Variants in AKAP12 observed in about 807,000 individuals in gnomAD.
AKAP12 encodes A-kinase anchor protein 12.
A neutral mutation model predicts 79.9 loss-of-function variants in AKAP12; 32 were observed. The observed-to-expected ratio is 0.40, with a 90% CI of 0.30 to 0.54. The LOEUF (loss-of-function observed/expected upper bound fraction) is 0.54, where lower values mean the gene tolerates loss of function less well. Among genes scored for constraint, AKAP12 ranks in the 20% least tolerant of loss-of-function variants. The pLI is 0.48. For synonymous variants in AKAP12, 808 were observed against 857.0 expected, an observed-to-expected ratio of 0.94 and a Z score of 1.00; for missense variants, 2,074 against 2,177.0, an observed-to-expected ratio of 0.95 and a Z score of 0.94.
chr6:151,311,217 C>T (rs879578794), intron 3 of AKAP12, among the ~76,000 whole-genome samples: 7 of 152,214 alleles, frequency 4.6e-5, no homozygotes, highest in Non-Finnish European at 8.8e-5. Flanking sequence ...CTTCCTTCCA[C>T]GTCAGCCTCC....
At chr6:151,310,192 G>T (rs982271802) in intron 3 of AKAP12, among the ~76,000 whole-genome samples, 1 of 151,840 alleles carries the variant, frequency 6.6e-6, no homozygotes, top group Non-Finnish European at 1.5e-5. Context: ...GTGAAACCCC[G>T]TCTCTACTAA....
At chr6:151,248,040 T>G (rs1797109477) in intron 2 of AKAP12, among the ~76,000 whole-genome samples, 1 of 151,996 alleles carries the variant, frequency 6.6e-6, no homozygotes, top group Non-Finnish European at 1.5e-5. Context: ...CAAAACGAAA[T>G]AAACCAAAAT....
intron 2 of AKAP12, among the ~76,000 whole-genome samples, chr6:151,295,613 A>G (rs1274788044): frequency 2.0e-5 from 3 of 152,242 alleles, no homozygotes; most frequent in African/African-American, 7.2e-5. Context: ...CATTCTGGAA[A>G]TTAGCATTTT....
intron 3 of AKAP12, among the ~76,000 whole-genome samples, chr6:151,338,261 T>C (rs1290353962): frequency 6.6e-6 from 1 of 152,206 alleles, no homozygotes; most frequent in Non-Finnish European, 1.5e-5. Flanking sequence ...AGCATTCCTC[T>C]TTGCATTACA....
At chr6:151,335,062 A>G (rs1777777771) in intron 3 of AKAP12, among the ~76,000 whole-genome samples, 2 of 152,132 alleles carry the variant, frequency 1.3e-5, no homozygotes, top group East Asian at 1.9e-4. Context: ...ATGATTTTAT[A>G]CTCGGGAATG....
At chr6:151,299,626 C>A (rs1776810857) in intron 2 of AKAP12, among the ~76,000 whole-genome samples, 1 of 152,134 alleles carries the variant, frequency 6.6e-6, no homozygotes, top group South Asian at 2.1e-4. Context: ...CAACTTGCTT[C>A]TTTTCCCCCT....
At chr6:151,322,742 C>T (rs1172310996) in intron 3 of AKAP12, among the ~76,000 whole-genome samples, 1 of 147,580 alleles carries the variant, frequency 6.8e-6, no homozygotes, top group African/African-American at 2.7e-5. Context: ...GTGTCCACCA[C>T]CCACTCCTGC....
intron 3 of AKAP12, among the ~76,000 whole-genome samples, chr6:151,326,664 T>C (rs985311017): frequency 5.3e-5 from 8 of 152,192 alleles, no homozygotes; most frequent in African/African-American, 1.9e-4. Flanking sequence ...TTGATAGTCT[T>C]ATGCCATTGT....
chr6:151,313,656 T>C (rs930902834), intron 3 of AKAP12, among the ~76,000 whole-genome samples: 2 of 152,190 alleles, frequency 1.3e-5, no homozygotes, highest in African/African-American at 4.8e-5. Flanking sequence ...CAGTGAACTT[T>C]TTTTCCTTCT....
At chr6:151,302,412 A>C (rs1018457878) in intron 2 of AKAP12, among the ~76,000 whole-genome samples, 1 of 152,124 alleles carries the variant, frequency 6.6e-6, no homozygotes, top group South Asian at 2.1e-4. Context: ...CTCCTGCCTC[A>C]GTCTCCTAAG....
intron 2 of AKAP12, among the ~76,000 whole-genome samples, chr6:151,304,486 CTCAAAAAAAAAAAAAA>C (rs1776931030): frequency 4.6e-5 from 1 of 21,782 alleles, no homozygotes. Context: ...GACACTCCAT[CTCAAAAAAAAAAAAAA>C]AAAAAAAAAA....
chr6:151,275,009 C>T (rs909924684), intron 2 of AKAP12, among the ~76,000 whole-genome samples: 7 of 152,038 alleles, frequency 4.6e-5, no homozygotes, highest in African/African-American at 9.7e-5. Flanking sequence ...GAGGCTGAGG[C>T]GGGAGGATCG....
intron 3 of AKAP12, among the ~76,000 whole-genome samples, chr6:151,334,352 C>T (rs972148198): frequency 1.3e-5 from 2 of 151,890 alleles, no homozygotes; most frequent in Non-Finnish European, 2.9e-5. Context: ...CCAACACTTT[C>T]AGAGGCCGAG....
intron 2 of AKAP12, among the ~76,000 whole-genome samples, chr6:151,250,284 G>A (rs1394005411): frequency 6.6e-6 from 1 of 151,532 alleles, no homozygotes; most frequent in Non-Finnish European, 1.5e-5. Flanking sequence ...GATCATTTGA[G>A]GTCAGGAGTT....
chr6:151,354,414 T>C (rs996546391), intron 4 of AKAP12, among the ~76,000 whole-genome samples: 25 of 152,294 alleles, frequency 1.6e-4, no homozygotes, highest in Admixed American at 9.8e-4. Context: ...CGCTCTGTCA[T>C]CCAGGCTGGA....
At chr6:151,308,162 G>C (rs1321543944) in intron 3 of AKAP12, among the ~76,000 whole-genome samples, 4 of 151,642 alleles carry the variant, frequency 2.6e-5, no homozygotes, top group Non-Finnish European at 5.9e-5. Flanking sequence ...GGTGTGAGCC[G>C]CCACGCCCAG....
At chr6:151,325,665 A>G in intron 3 of AKAP12, 1 of 1,415,714 alleles carries the variant, frequency 7.1e-7, no homozygotes, top group Non-Finnish European at 9.2e-7. Context: ...GGGGAAATGC[A>G]TCCGCGCTCT....
intron 2 of AKAP12, among the ~76,000 whole-genome samples, chr6:151,268,304 C>T (rs916451755): frequency 2.0e-5 from 3 of 152,088 alleles, no homozygotes; most frequent in Admixed American, 1.3e-4. Flanking sequence ...GTAATCCCAG[C>T]TACTTGGGAG....
chr6:151,323,960 G>A (rs1264987151), intron 3 of AKAP12: 1 of 985,308 alleles, frequency 1.0e-6, no homozygotes, highest in South Asian at 4.7e-5. Flanking sequence ...TATTAATGTA[G>A]ACCCTGATGC....
Sources: gnomAD v4.1 joint callset for allele counts (sites outside exome capture counted in the v4.1 genomes callset) on GRCh38, gnomAD v4.1.1 for gene constraint, MANE v1.5 for transcripts, NCBI Gene and HGNC (gene_info 2026-07-23, HGNC 2026-07-21) for gene names.